The following TRRAP variants were observed in gnomAD, a reference collection of about 807,000 sequenced individuals.
TRRAP encodes transformation/transcription domain associated protein.
In TRRAP, 41 loss-of-function variants were observed where a neutral mutation model predicts 438.8. The observed-to-expected ratio is 0.09, with a 90% CI of 0.07 to 0.12. TRRAP has a LOEUF of 0.12. Ranked by LOEUF, TRRAP falls within the 10% of genes least tolerant of loss-of-function variation. TRRAP has a pLI of 1.00. For missense variants in TRRAP, 3,122 were observed against 5,055.1 expected, an observed-to-expected ratio of 0.62 and a Z score of 11.60; for synonymous variants, 1,994 against 1,962.9, an observed-to-expected ratio of 1.02 and a Z score of -0.42.
chr7:98,955,335 G>T (rs78644495), intron 41 of TRRAP, 31 bp downstream of exon 41: 14 of 1,577,622 alleles, frequency 8.9e-6, no homozygotes, highest in African/African-American at 2.7e-5. Context: ...GCTGCGGGGC[G>T]CGCGTCTTCA....
intron 4 of TRRAP, among the ~76,000 whole-genome samples, chr7:98,891,260 GGA>G (rs2116298272): frequency 7.1e-6 from 1 of 140,712 alleles, no homozygotes; most frequent in South Asian, 2.2e-4. Flanking sequence ...CACCCAGGCT[GGA>G]GTGCAGTGGC....
chr7:98,939,761 T>C (rs1161049746), intron 30 of TRRAP, among the ~76,000 whole-genome samples: 2 of 152,256 alleles, frequency 1.3e-5, no homozygotes, highest in Non-Finnish European at 2.9e-5. Flanking sequence ...ATGAGGCCCA[T>C]GAGCTCTATG....
rs541787039 is a variant in TRRAP, at chr7:98,956,616, C to T, written c.6231+83C>T. ...ATTCCCTATATTTAGAATGTGAGCT[C>T]GGTGCTCAGCTGCATTCAGGAGAGG... On this transcript the variant is annotated intron_variant, in intron 43 of 72. Coordinates refer to ENST00000456197, the MANE Select transcript of TRRAP (RefSeq NM_001375524.1). The surrounding 1 kb of genome is among the most constrained non-coding windows in gnomAD (Gnocchi z 4.5). 9.8e-6 allele frequency: 15 copies of T among 1,531,630 alleles called. No homozygotes were observed. The highest frequency in any genetic ancestry group is 6.2e-5 in the Admixed American group (3 of 48,426). The allele number at this position is 1,531,630 out of a possible 1,614,324, so 94.9% of individuals were successfully genotyped here. A position where few individuals can be genotyped will look rare whatever the true frequency, so the allele number is the denominator to read the frequency against.
At chr7:98,999,765 A>G (rs1489635762) in intron 67 of TRRAP, 3 of 600,882 alleles carry the variant, frequency 5.0e-6, no homozygotes, top group Non-Finnish European at 9.0e-6. Context: ...GGGGGCACTC[A>G]TCTGAATTGC....
At chr7:98,995,220 C>G (rs1793597179) in intron 67 of TRRAP, among the ~76,000 whole-genome samples, 1 of 151,976 alleles carries the variant, frequency 6.6e-6, no homozygotes, top group Admixed American at 6.6e-5. Context: ...AGACAGAGTC[C>G]TGGTGAGCCG....
At chr7:98,949,607 A>G (rs369161683) in intron 36 of TRRAP, 26 bp downstream of exon 36, 62 of 1,586,974 alleles carry the variant, frequency 3.9e-5, no homozygotes, top group Admixed American at 1.1e-4. Flanking sequence ...CCAGCCCCCA[A>G]TGCCCAGGGG....
At chr7:98,996,998 C>G (rs1793691964) in intron 67 of TRRAP, among the ~76,000 whole-genome samples, 1 of 151,830 alleles carries the variant, frequency 6.6e-6, no homozygotes, top group Non-Finnish European at 1.5e-5. Flanking sequence ...TTTTCAATGA[C>G]AAAGTACAAA....
At chr7:98,902,801 T>C (rs1554406859) in intron 11 of TRRAP, among the ~76,000 whole-genome samples, 1 of 151,398 alleles carries the variant, frequency 6.6e-6, no homozygotes, top group African/African-American at 2.4e-5. Context: ...AAAAAAATCT[T>C]AGAAGCCTGG....
intron 67 of TRRAP, among the ~76,000 whole-genome samples, chr7:98,995,812 C>T (rs73161947): frequency 0.028 from 4,207 of 151,686 alleles, 85 homozygotes; most frequent in South Asian, 0.054. Flanking sequence ...TACACACCCG[C>T]GTCCCATCTA....
chr7:98,955,110 C>G lies in TRRAP; in HGVS notation c.5743C>G (p.Leu1915Val). 1 of 1,612,152 alleles carries G rather than the reference C, an allele frequency of 6.2e-7. No individual in the cohort carries two copies. Among genetic ancestry groups the G allele is most frequent in the Non-Finnish European group, 8.5e-7 (1 of 1,178,508 alleles). The stretch of plus-strand genomic sequence containing the variant: ...TTCCCTGTTTTAGGTTTTTCATAGT[C>G]TCCTCAAGGCTCACGCAATGGAAGC... ...KKIVLQVFHS[L>V]LKAHAMEARA... The change falls in exon 41 of 73, where the codon CTC (leucine) becomes GTC (valine). Residue 1915 changes from leucine (L) to valine (V), a missense_variant. Around this residue, in one of 24 missense-constraint regions of TRRAP, gnomAD observed 35 missense variants for 104.9 expected, o/e 0.33. Coordinates refer to ENST00000456197, the MANE Select transcript of TRRAP (RefSeq NM_001375524.1).
Position 98,899,751 on chromosome 7 carries a change from G to A in TRRAP, c.784G>A (p.Val262Met), listed in dbSNP as rs1187694463. Residue 262 changes from valine (V) to methionine (M), a missense_variant, in exon 10 of 73, where the codon GTG becomes ATG. Coordinates refer to ENST00000456197, the MANE Select transcript of TRRAP (RefSeq NM_001375524.1). ...PLIMNTIAIQ[V>M]SAQARQHKLY... ...GATCATGAACACCATTGCCATTCAG[G>A]TGTCTGCACAAGCGAGGTGAGGCGT... 6.2e-6 allele frequency: 10 copies of A among 1,614,028 alleles called. No individual in the cohort carries two copies. The highest frequency in any genetic ancestry group is 8.5e-6 in the Non-Finnish European group (10 of 1,180,034).
intron 4 of TRRAP, among the ~76,000 whole-genome samples, chr7:98,891,242 C>G (rs575411758): frequency 1.5e-5 from 2 of 132,408 alleles, no homozygotes; most frequent in Non-Finnish European, 3.1e-5. Context: ...GACGGAGTCT[C>G]GCTCTGTCAC....
chr7:98,927,177 A>G lies in TRRAP; in HGVS notation c.2986A>G (p.Lys996Glu). The stretch of plus-strand genomic sequence containing the variant: ...GATTTTGCCTTTCAGCTTTACAGAA[A>G]AGACCATCCCCAATGTTATCATCTC... ...QLLAHPNFTE[K>E]TIPNVIISHR... The change falls in exon 23 of 73, where the codon AAG becomes GAG. Residue 996 changes from lysine (K) to glutamate (E), a missense_variant. Physicochemically the swap from Lys to Glu is moderately conservative, Grantham distance 56. Around this residue, in one of 24 missense-constraint regions of TRRAP, gnomAD observed 133 missense variants for 188.6 expected, o/e 0.71. Transcript: ENST00000456197. 3.1e-6 allele frequency: 5 copies of G among 1,614,248 alleles called. No individual in the cohort carries two copies. Among genetic ancestry groups the G allele is most frequent in the Non-Finnish European group, 4.2e-6 (5 of 1,180,044 alleles).
chr7:98,948,928 A>G lies in TRRAP; in HGVS notation c.4788+243A>G, dbSNP rs1791204819. ...AATGTTCTGCCAGGATTATAAAATC[A>G]TAAAGTATGATTATTATTTAAAAGT... On this transcript the variant is annotated intron_variant, in intron 35 of 72. Transcript: ENST00000456197. The surrounding 1 kb of genome is among the most constrained non-coding windows in gnomAD (Gnocchi z 4.9). 1.3e-5 allele frequency among the ~76,000 whole-genome samples: 2 copies of G among 152,210 alleles called. No homozygotes were observed. The highest frequency in any genetic ancestry group is 1.3e-4 in the Admixed American group (2 of 15,272).
intron 26 of TRRAP, 135 bp downstream of exon 26, chr7:98,931,800 C>A: frequency 8.4e-7 from 1 of 1,187,748 alleles, no homozygotes; most frequent in East Asian, 2.5e-5. Context: ...CAGGACCCTG[C>A]GTGGGTACCA....
chr7:98,912,854 T>C (rs992829644), intron 18 of TRRAP, among the ~76,000 whole-genome samples: 22 of 152,122 alleles, frequency 1.4e-4, no homozygotes, highest in African/African-American at 5.3e-4. Flanking sequence ...ACATCTTTAT[T>C]GCAAGGTTGT....
intron 58 of TRRAP, 29 bp downstream of exon 58, chr7:98,978,933 C>T (rs754647669): frequency 1.9e-6 from 3 of 1,611,648 alleles, no homozygotes; most frequent in Non-Finnish European, 2.5e-6. Flanking sequence ...ATCCCTGCCG[C>T]TGCCTGGGTC....
In TRRAP at chr7:98,956,623, C is replaced by CA. The variant is rs1158887447; in HGVS notation, c.6231+91dup. 3.9e-6 allele frequency: 6 copies of CA among 1,520,668 alleles called. No homozygotes were observed. The highest frequency in any genetic ancestry group is 4.4e-6 in the Non-Finnish European group (5 of 1,139,460). The allele number at this position is 1,520,668 out of a possible 1,614,324, so 94.2% of individuals were successfully genotyped here. A position where few individuals can be genotyped will look rare whatever the true frequency, so the allele number is the denominator to read the frequency against. On this transcript the variant is annotated intron_variant, in intron 43 of 72. Transcript: ENST00000456197. This position sits in a 1 kb window ranked among gnomAD's most constrained non-coding sequence, Gnocchi z 4.5. Reference sequence around the variant, plus strand: ...ATATTTAGAATGTGAGCTCGGTGCTCAGCTGCATTCAGGAGAGGAAGCTGG... The same window carrying CA: ...ATATTTAGAATGTGAGCTCGGTGCTCAAGCTGCATTCAGGAGAGGAAGCTGG...
In TRRAP at chr7:99,011,587, C is replaced by T. The variant is rs867318229; in HGVS notation, c.11337+52C>T. The stretch of plus-strand genomic sequence containing the variant: ...GGCGCAGGCTAGAGCCACTCAGATG[C>T]CCGCGCGTCACGGCCTTGCAGGAGC... On this transcript the variant is annotated intron_variant, in intron 72 of 72. Transcript: ENST00000456197. This position sits in a 1 kb window ranked among gnomAD's most constrained non-coding sequence, Gnocchi z 7.1. 4 of 1,573,330 alleles carry T rather than the reference C, an allele frequency of 2.5e-6. No individual in the cohort carries two copies. The highest frequency in any genetic ancestry group is 3.5e-4 in the Middle Eastern group (2 of 5,754).
Sources: gnomAD v4.1 joint callset for allele counts (sites outside exome capture counted in the v4.1 genomes callset) on GRCh38, gnomAD v4.1.1 for gene constraint, gnomAD v4.1.1 regional missense constraint, Gnocchi (gnomAD v3.1) non-coding constraint, MANE v1.5 for transcripts, NCBI Gene and HGNC (gene_info 2026-07-23, HGNC 2026-07-21) for gene names.